ZNF521: variants seen among roughly 807,000 people sequenced by gnomAD.
ZNF521 encodes LYST-interacting protein 3.
In ZNF521, 14 loss-of-function variants were observed where a neutral mutation model predicts 105.5. That is an observed-to-expected ratio of 0.13 (90% CI 0.09 to 0.21). The LOEUF (loss-of-function observed/expected upper bound fraction) is 0.21. ZNF521 is among the 10% of genes least tolerant of loss of function. ZNF521 has a pLI of 1.00. For missense variants in ZNF521, 1,233 were observed against 1,629.7 expected (o/e 0.76, Z 4.19); for synonymous variants, 635 against 606.0 (o/e 1.05, Z -0.70).
At chr18:25,307,455 G>C (rs1397998698) in intron 3 of ZNF521, among the ~76,000 whole-genome samples, 1 of 152,126 alleles carries the variant, frequency 6.6e-6, no homozygotes, top group African/African-American at 2.4e-5. Context: ...TCCACCCCTA[G>C]CTGGGTGATA....
At chr18:25,312,919 G>A (rs1278349420) in intron 3 of ZNF521, among the ~76,000 whole-genome samples, 3 of 151,756 alleles carry the variant, frequency 2.0e-5, no homozygotes, top group Non-Finnish European at 4.4e-5. Flanking sequence ...CCTGACAGTT[G>A]AACAAAGTGA....
chr18:25,306,578 G>T (rs1054592126), intron 3 of ZNF521, among the ~76,000 whole-genome samples: 2 of 152,080 alleles, frequency 1.3e-5, no homozygotes, highest in Admixed American at 6.6e-5. Flanking sequence ...ATGTCAAAAT[G>T]CCTCATATTG....
At chr18:25,160,630 A>C (rs2035234025) in intron 5 of ZNF521, among the ~76,000 whole-genome samples, 1 of 152,184 alleles carries the variant, frequency 6.6e-6, no homozygotes, top group African/African-American at 2.4e-5. Flanking sequence ...GTTCGCGCAT[A>C]TGTGTTCTCT....
intron 3 of ZNF521, among the ~76,000 whole-genome samples, chr18:25,267,899 C>T (rs934472357): frequency 6.6e-6 from 1 of 152,236 alleles, no homozygotes; most frequent in East Asian, 1.9e-4. Flanking sequence ...AACTCCTCAC[C>T]AGCAAGGGAA....
intron 5 of ZNF521, among the ~76,000 whole-genome samples, chr18:25,162,196 C>T (rs1257226589): frequency 6.6e-6 from 1 of 151,966 alleles, no homozygotes; most frequent in Non-Finnish European, 1.5e-5. Context: ...TACAAATAGT[C>T]GTTTCAATGA....
intron 2 of ZNF521, 127 bp downstream of exon 2, chr18:25,350,780 C>G (rs1257550400): frequency 1.0e-6 from 1 of 978,554 alleles, no homozygotes; most frequent in Non-Finnish European, 1.5e-6. Context: ...GAGGGGAGCG[C>G]GCGCGCCCCC....
chr18:25,217,157 T>G (rs1322187727), intron 4 of ZNF521, among the ~76,000 whole-genome samples: 1 of 152,128 alleles, frequency 6.6e-6, no homozygotes, highest in African/African-American at 2.4e-5. Flanking sequence ...ACGAAAAAAT[T>G]TTAAGTGACT....
At position 25,097,504 on chromosome 18, in the gene ZNF521, A is replaced by C. The variant is rs567757682; in HGVS notation, c.3659-5423T>G. On this transcript the variant is annotated intron_variant, in intron 5 of 7. Coordinates refer to ENST00000361524, the MANE Select transcript of ZNF521 (RefSeq NM_015461.3). ...CCATGAAAATGAATGCAGCCTGAAG[A>C]CCGACGCTAGCACCTTCTAGGAGTT... is the stretch of plus-strand genomic sequence containing the variant. Among the ~76,000 whole-genome samples the C allele has an allele frequency of 4.1e-4, 63 of 152,246 alleles. 1 individual carries two copies. In the South Asian group the frequency reaches 0.013, roughly 31 times the overall value.
intron 5 of ZNF521, among the ~76,000 whole-genome samples, chr18:25,143,329 A>G (rs1308998967): frequency 2.6e-5 from 4 of 152,180 alleles, no homozygotes; most frequent in African/African-American, 7.2e-5. Flanking sequence ...AGACGGGGAT[A>G]TAACTACCAA....
intron 5 of ZNF521, among the ~76,000 whole-genome samples, chr18:25,100,826 C>T (rs2033952046): frequency 6.6e-6 from 1 of 152,152 alleles, no homozygotes; most frequent in Non-Finnish European, 1.5e-5. Flanking sequence ...AAGTGATATA[C>T]TGCAGTACTA....
intron 4 of ZNF521, among the ~76,000 whole-genome samples, chr18:25,197,699 C>T (rs2035925868): frequency 6.6e-6 from 1 of 151,738 alleles, no homozygotes; most frequent in Non-Finnish European, 1.5e-5. Context: ...GCCACTTTCA[C>T]CCATTGGCCC....
At chr18:25,074,535 G>T (rs1010789391) in intron 7 of ZNF521, among the ~76,000 whole-genome samples, 31 of 151,928 alleles carry the variant, frequency 2.0e-4, no homozygotes, top group South Asian at 2.1e-4. Context: ...AAATCATCCC[G>T]GTTTATTAGC....
At chr18:25,179,116 CTTTTTTTTTTTTTTTTTTTTTTTTT>C (rs1175859497) in intron 5 of ZNF521, among the ~76,000 whole-genome samples, 58 of 52,488 alleles carry the variant, frequency 1.1e-3, no homozygotes, top group African/African-American at 2.7e-3. Context: ...TTCTTTATTC[CTTTTTTTTTTTTTTTTTTTTTTTTT>C]TTTTTTTTTT....
At chr18:25,252,864 T>C (rs1288539579) in intron 3 of ZNF521, among the ~76,000 whole-genome samples, 2 of 152,130 alleles carry the variant, frequency 1.3e-5, no homozygotes, top group African/African-American at 2.4e-5. Flanking sequence ...TTCTACTGGC[T>C]TATACAGGAG....
chr18:25,151,474 C>T (rs2035046898), intron 5 of ZNF521, among the ~76,000 whole-genome samples: 1 of 152,094 alleles, frequency 6.6e-6, no homozygotes, highest in South Asian at 2.1e-4. Context: ...CTTTTTACCC[C>T]CAATGATATG....
intron 3 of ZNF521, among the ~76,000 whole-genome samples, chr18:25,300,423 T>C (rs1031385501): frequency 1.3e-5 from 2 of 152,220 alleles, no homozygotes; most frequent in Non-Finnish European, 2.9e-5. Flanking sequence ...ACACACTCGA[T>C]GACAATATAA....
chr18:25,294,215 T>C (rs905494290), intron 3 of ZNF521, among the ~76,000 whole-genome samples: 3 of 152,218 alleles, frequency 2.0e-5, no homozygotes, highest in African/African-American at 7.2e-5. Context: ...AATAAAAATT[T>C]CTTCATTTCT....
intron 5 of ZNF521, among the ~76,000 whole-genome samples, chr18:25,142,139 T>C (rs777614124): frequency 6.6e-6 from 1 of 152,130 alleles, no homozygotes; most frequent in Non-Finnish European, 1.5e-5. Context: ...AAAGGGATCC[T>C]GTTTTTTGGC....
At position 25,195,204 on chromosome 18, in the gene ZNF521, T is replaced by C; in HGVS notation, c.3614A>G (p.Tyr1205Cys). The change falls in exon 5 of 8, where the codon TAC becomes TGC. Residue 1205 changes from tyrosine (Y) to cysteine (C), a missense_variant. By Grantham distance (194) the Tyr-to-Cys change is radical (BLOSUM62 -2). Coordinates refer to ENST00000361524, the MANE Select transcript of ZNF521 (RefSeq NM_015461.3). Reference sequence around the variant, plus strand: ...ATGAACCTGAATATCCCATTCATTGTAGAAAACCATCTGACACTTGATGCA... The same window carrying C: ...ATGAACCTGAATATCCCATTCATTGCAGAAAACCATCTGACACTTGATGCA... ...YQCIKCQMVF[Y>C]NEWDIQVHVA... 1 of 1,600,980 alleles carries C rather than the reference T, an allele frequency of 6.2e-7. No individual in the cohort carries two copies. Among genetic ancestry groups the C allele is most frequent in the Non-Finnish European group, 8.5e-7 (1 of 1,174,546 alleles).
Sources: gnomAD v4.1 joint callset for allele counts (sites outside exome capture counted in the v4.1 genomes callset) on GRCh38, gnomAD v4.1.1 for gene constraint, MANE v1.5 for transcripts, NCBI Gene and HGNC (gene_info 2026-07-23, HGNC 2026-07-21) for gene names.